The following ASTN2 variants were observed in gnomAD, a reference collection of about 807,000 sequenced individuals.
ASTN2 encodes the protein astrotactin 2.
Under a neutral mutation model 139.8 loss-of-function variants are expected in ASTN2, and 54 were observed. The ratio of observed to expected loss-of-function variants is 0.39; its 90% CI spans 0.31 to 0.48. ASTN2 has a LOEUF of 0.48. Ranked by LOEUF, ASTN2 falls within the 20% of genes least tolerant of loss-of-function variation. The probability of loss-of-function intolerance (pLI) is 0.95; values close to 1 mark genes in which losing one functional copy is unlikely to be tolerated. For missense variants in ASTN2, 1,565 were observed against 1,725.1 expected (o/e 0.91, Z 1.64); for synonymous variants, 756 against 719.5 (o/e 1.05, Z -0.81).
chr9:116,778,132 T>C (rs902983305), intron 13 of ASTN2, among the ~76,000 whole-genome samples: 3 of 152,154 alleles, frequency 2.0e-5, no homozygotes, highest in African/African-American at 7.2e-5. Flanking sequence ...ATGCCTGGCC[T>C]GTAAATTGCA....
chr9:116,766,779 C>T (rs1829821571), intron 13 of ASTN2, among the ~76,000 whole-genome samples: 1 of 151,936 alleles, frequency 6.6e-6, no homozygotes, highest in Admixed American at 6.6e-5. Context: ...CATTCATATT[C>T]ATATACATCT....
intron 13 of ASTN2, among the ~76,000 whole-genome samples, chr9:116,737,049 C>A (rs1828944542): frequency 1.3e-5 from 2 of 152,124 alleles, no homozygotes; most frequent in African/African-American, 4.8e-5. Flanking sequence ...TGGAGAAATG[C>A]AGAAAGACAG....
At chr9:117,329,272 A>G (rs535267226) in intron 1 of ASTN2, among the ~76,000 whole-genome samples, 2 of 148,184 alleles carry the variant, frequency 1.3e-5, no homozygotes, top group East Asian at 3.9e-4. Flanking sequence ...ATTTTTTTTG[A>G]AAACACAGGT....
At chr9:116,447,248 T>A (rs1027770146) in intron 20 of ASTN2, among the ~76,000 whole-genome samples, 17 of 152,220 alleles carry the variant, frequency 1.1e-4, no homozygotes, top group East Asian at 3.9e-4. Flanking sequence ...GAAAGTCTGC[T>A]TTGACCGTCT....
chr9:117,407,021 C>T (rs991298280), intron 1 of ASTN2, among the ~76,000 whole-genome samples: 1 of 152,212 alleles, frequency 6.6e-6, no homozygotes, highest in Admixed American at 6.5e-5. Flanking sequence ...AAGGGCCTGG[C>T]TATGATTATA....
At position 116,442,528 on chromosome 9, in the gene ASTN2, G is replaced by A. The variant is rs1847870527; in HGVS notation, c.3523C>T (p.Arg1175Ter). 2 of 1,614,112 alleles carry A rather than the reference G, an allele frequency of 1.2e-6. No individual in the cohort carries two copies. Among genetic ancestry groups the A allele is most frequent in the Non-Finnish European group, 1.7e-6 (2 of 1,180,024 alleles). The change falls in exon 21 of 23, where the codon CGA becomes TGA. Residue 1175 changes from arginine to a stop codon, truncating the protein, a stop_gained. Coordinates refer to ENST00000313400, the MANE Select transcript of ASTN2 (RefSeq NM_001365068.1). LOFTEE classifies it high-confidence loss of function. ...YKFTLYAVDT[R>*]GRHSELSTVT... ...GTGCTTAGCTCTGAGTGCCTCCCTC[G>A]TGTATCCACAGCATACAGAGTGAAC...
intron 13 of ASTN2, among the ~76,000 whole-genome samples, chr9:116,775,271 G>GA (rs926171163): frequency 1.3e-5 from 2 of 151,348 alleles, no homozygotes; most frequent in Admixed American, 6.6e-5. Flanking sequence ...AGGAAAGGAA[G>GA]AAAAAAAATC....
intron 16 of ASTN2, among the ~76,000 whole-genome samples, chr9:116,664,724 G>C (rs965534098): frequency 6.6e-6 from 1 of 151,400 alleles, no homozygotes. Flanking sequence ...TAATTGTTTA[G>C]AGAAAATAAC....
intron 12 of ASTN2, among the ~76,000 whole-genome samples, chr9:116,806,187 C>T (rs1049416511): frequency 2.0e-5 from 3 of 152,172 alleles, no homozygotes; most frequent in Non-Finnish European, 2.9e-5. Flanking sequence ...ATTCCCAGTA[C>T]ATCTGTCAAC....
chr9:117,237,000 C>G (rs1433575095), intron 2 of ASTN2, among the ~76,000 whole-genome samples: 2 of 152,108 alleles, frequency 1.3e-5, no homozygotes, highest in African/African-American at 2.4e-5. Context: ...GTCCAATTGC[C>G]AGTCTCAGAT....
intron 1 of ASTN2, among the ~76,000 whole-genome samples, chr9:117,388,655 C>G (rs1416945): frequency 0.75 from 114,579 of 152,076 alleles, 43,347 homozygotes; most frequent in East Asian, 0.84. Flanking sequence ...AGGGTGCTCA[C>G]AGAGTTGGGA....
At chr9:116,689,047 GATTAAAC>G (rs1012731293) in intron 16 of ASTN2, among the ~76,000 whole-genome samples, 1 of 152,098 alleles carries the variant, frequency 6.6e-6, no homozygotes, top group Admixed American at 6.5e-5. Context: ...CAAGTGGGTA[GATTAAAC>G]ATTAAACATA....
chr9:117,339,805 C>T (rs1232782515), intron 1 of ASTN2, among the ~76,000 whole-genome samples: 1 of 151,572 alleles, frequency 6.6e-6, no homozygotes, highest in African/African-American at 2.4e-5. Flanking sequence ...ACACATACCA[C>T]TCAGCTATTC....
At chr9:116,433,782 A>C (rs1004997418) in intron 22 of ASTN2, among the ~76,000 whole-genome samples, 2 of 152,200 alleles carry the variant, frequency 1.3e-5, no homozygotes, top group Non-Finnish European at 2.9e-5. Context: ...AGAAGCTCAG[A>C]TACTGCCACT....
At chr9:117,060,335 A>G (rs1367380829) in intron 5 of ASTN2, among the ~76,000 whole-genome samples, 2 of 78,696 alleles carry the variant, frequency 2.5e-5, no homozygotes, top group African/African-American at 1.3e-4. Flanking sequence ...AGAAAGAAAG[A>G]AAGAAAGAGA....
At chr9:117,073,512 G>A (rs1239654580) in intron 5 of ASTN2, among the ~76,000 whole-genome samples, 2 of 152,132 alleles carry the variant, frequency 1.3e-5, no homozygotes, top group Non-Finnish European at 2.9e-5. Context: ...CACAATGGAC[G>A]GCTAATCTCT....
intron 20 of ASTN2, among the ~76,000 whole-genome samples, chr9:116,484,802 G>T (rs1849287216): frequency 6.6e-6 from 1 of 152,220 alleles, no homozygotes. Flanking sequence ...GAGGGGTGGT[G>T]TCAGGCAGTG....
chr9:116,521,055 A>G (rs1850850065), intron 19 of ASTN2, among the ~76,000 whole-genome samples: 1 of 152,188 alleles, frequency 6.6e-6, no homozygotes, highest in African/African-American at 2.4e-5. Flanking sequence ...AATAGAATCA[A>G]TATTATGAAA....
chr9:116,818,013 A>G lies in ASTN2; in HGVS notation c.2207+2604T>C, dbSNP rs367566302. Among the ~76,000 whole-genome samples the G allele has an allele frequency of 2.7e-4, 41 of 151,710 alleles. 1 individual carries two copies. The highest frequency in any genetic ancestry group is 9.2e-4 in the African/African-American group (38 of 41,336). Reference sequence around the variant, plus strand: ...ATCTCAACAACCTCACTTACCAGATATGTGACCTTGGACAGTTACTGAGCC... The same window carrying G: ...ATCTCAACAACCTCACTTACCAGATGTGTGACCTTGGACAGTTACTGAGCC... On this transcript the variant is annotated intron_variant, in intron 12 of 22. Coordinates refer to ENST00000313400, the MANE Select transcript of ASTN2 (RefSeq NM_001365068.1).
Sources: gnomAD v4.1 joint callset for allele counts (sites outside exome capture counted in the v4.1 genomes callset) on GRCh38, gnomAD v4.1.1 for gene constraint, MANE v1.5 for transcripts, NCBI Gene and HGNC (gene_info 2026-07-23, HGNC 2026-07-21) for gene names.